The following PCDH15 variants were observed in gnomAD, a reference collection of about 807,000 sequenced individuals.
The protein encoded by PCDH15 is protocadherin related 15.
In PCDH15, 129 loss-of-function variants were observed where a neutral mutation model predicts 178.5. The ratio of observed to expected loss-of-function variants is 0.72; its 90% CI spans 0.63 to 0.84. The LOEUF is 0.84. PCDH15 is among the 40% of genes least tolerant of loss of function. PCDH15 has a pLI of 0.00. For missense variants in PCDH15, 2,230 were observed against 2,099.9 expected, an observed-to-expected ratio of 1.06 and a Z score of -1.21; for synonymous variants, 800 against 732.0, an observed-to-expected ratio of 1.09 and a Z score of -1.50.
intron 1 of PCDH15, among the ~76,000 whole-genome samples, chr10:54,682,078 C>T (rs751867473): frequency 5.3e-5 from 8 of 152,152 alleles, no homozygotes; most frequent in Non-Finnish European, 1.0e-4. Flanking sequence ...TACAGTTATA[C>T]AGTTATTGCA....
intron 35 of PCDH15, among the ~76,000 whole-genome samples, chr10:53,814,662 T>C (rs1181138222): frequency 6.6e-6 from 1 of 150,832 alleles, no homozygotes; most frequent in Non-Finnish European, 1.5e-5. Flanking sequence ...CATCAGTCGT[T>C]AAAAAAAAAT....
chr10:54,804,795 A>T (rs1053289147), upstream of PCDH15, among the ~76,000 whole-genome samples: 1 of 151,438 alleles, frequency 6.6e-6, no homozygotes, highest in Non-Finnish European at 1.5e-5. Flanking sequence ...TACCATAAAC[A>T]TTTGTGTTCA....
At chr10:54,370,867 T>A (rs1947554128) in intron 4 of PCDH15, among the ~76,000 whole-genome samples, 1 of 151,846 alleles carries the variant, frequency 6.6e-6, no homozygotes, top group African/African-American at 2.4e-5. Flanking sequence ...GATATTTTTA[T>A]GGCCAACAAA....
chr10:54,702,651 A>C (rs1360219703), intron 1 of PCDH15, among the ~76,000 whole-genome samples: 1 of 151,976 alleles, frequency 6.6e-6, no homozygotes, highest in Non-Finnish European at 1.5e-5. Context: ...TGCAAGATTG[A>C]ACTAGGAAGA....
At chr10:53,841,520 T>G (rs571254427) in intron 28 of PCDH15, among the ~76,000 whole-genome samples, 15 of 152,280 alleles carry the variant, frequency 9.9e-5, no homozygotes, top group African/African-American at 3.6e-4. Context: ...GTGCTTGGTT[T>G]GCCTTGTTAT....
chr10:53,898,136 T>G (rs2082090080), intron 26 of PCDH15, among the ~76,000 whole-genome samples: 1 of 101,742 alleles, frequency 9.8e-6, no homozygotes, highest in Admixed American at 1.2e-4. Context: ...CTGGCTAATT[T>G]TTTGTATTTT....
At chr10:54,939,638 T>C (rs998153824) in intron 2 of PCDH15, among the ~76,000 whole-genome samples, 3 of 152,094 alleles carry the variant, frequency 2.0e-5, no homozygotes, top group Non-Finnish European at 4.4e-5. Context: ...AGTCAGTAAT[T>C]TGAGTGTTCT....
rs1228673672 is a variant in PCDH15, at chr10:54,447,224, T to A, written c.158-68282A>T. Reference sequence around the variant, plus strand: ...TACAACATCTTCACCTAGTTACTATTTTTGTGTGTGTGTGGTGAGAATACT... The same window carrying A: ...TACAACATCTTCACCTAGTTACTATATTTGTGTGTGTGTGGTGAGAATACT... On this transcript the variant is annotated intron_variant, in intron 3 of 37. Coordinates refer to ENST00000644397, the MANE Select transcript of PCDH15 (RefSeq NM_001384140.1). Among the ~76,000 whole-genome samples the A allele has an allele frequency of 2.0e-5, 3 of 151,726 alleles. No homozygotes were observed. The East Asian group carries it at 5.8e-4, about 29-fold the overall frequency.
intron 2 of PCDH15, among the ~76,000 whole-genome samples, chr10:55,435,908 G>A (rs1283550359): frequency 6.6e-6 from 1 of 152,074 alleles, no homozygotes; most frequent in Non-Finnish European, 1.5e-5. Flanking sequence ...TATAAGAGTT[G>A]AGTGCATGGC....
intron 25 of PCDH15, among the ~76,000 whole-genome samples, chr10:53,921,399 T>A (rs557012009): frequency 1.3e-5 from 2 of 151,882 alleles, no homozygotes; most frequent in Non-Finnish European, 2.9e-5. Context: ...ACTTTTTTTT[T>A]ATTTGCCTAA....
At chr10:55,173,899 T>C (rs1407227668) in intron 1 of PCDH15, among the ~76,000 whole-genome samples, 1 of 152,172 alleles carries the variant, frequency 6.6e-6, no homozygotes, top group East Asian at 1.9e-4. Flanking sequence ...TTAATGTATA[T>C]GAAATTGATT....
At chr10:54,420,117 A>C (rs1955032272) in intron 3 of PCDH15, among the ~76,000 whole-genome samples, 1 of 152,142 alleles carries the variant, frequency 6.6e-6, no homozygotes, top group Non-Finnish European at 1.5e-5. Context: ...AAAGTGGTAG[A>C]TGGTAGGTAT....
intron 2 of PCDH15, among the ~76,000 whole-genome samples, chr10:54,627,891 C>G (rs917533697): frequency 6.6e-6 from 1 of 152,116 alleles, no homozygotes; most frequent in Non-Finnish European, 1.5e-5. Context: ...CTCGGAGGAG[C>G]CTGACTAAAG....
chr10:55,330,821 AATAG>A (rs1461675528), intron 2 of PCDH15, among the ~76,000 whole-genome samples: 4 of 140,604 alleles, frequency 2.8e-5, no homozygotes, highest in South Asian at 2.3e-4. Context: ...ATCTCTCTTA[AATAG>A]ATAGATTTAT....
chr10:55,557,665 T>C (rs1409249602), intron 2 of PCDH15, among the ~76,000 whole-genome samples: 1 of 152,144 alleles, frequency 6.6e-6, no homozygotes, highest in Admixed American at 6.6e-5. Flanking sequence ...GCTTAATAGA[T>C]GGGTTTGCTT....
intron 14 of PCDH15, among the ~76,000 whole-genome samples, chr10:54,145,623 A>G (rs1161089436): frequency 6.6e-6 from 1 of 152,140 alleles, no homozygotes; most frequent in Non-Finnish European, 1.5e-5. Context: ...ATGTATTTAT[A>G]TATAAATACC....
At chr10:53,965,289 A>C (rs2088887632) in intron 21 of PCDH15, among the ~76,000 whole-genome samples, 1 of 151,990 alleles carries the variant, frequency 6.6e-6, no homozygotes. Context: ...TAAACTCCTG[A>C]CCTCATGATC....
intron 8 of PCDH15, among the ~76,000 whole-genome samples, chr10:54,254,784 G>A (rs2056771765): frequency 1.3e-5 from 2 of 152,182 alleles, no homozygotes. Flanking sequence ...GATAACTCTG[G>A]ATGCTGATGC....
chr10:55,002,348 A>C (rs2131931600), intron 2 of PCDH15, among the ~76,000 whole-genome samples: 1 of 152,322 alleles, frequency 6.6e-6, no homozygotes, highest in East Asian at 1.9e-4. Flanking sequence ...CAAAAACAAT[A>C]TTTGCATTTA....
Sources: allele counts gnomAD v4.1 joint callset (sites outside exome capture counted in the v4.1 genomes callset), GRCh38; gene constraint gnomAD v4.1.1; transcripts MANE v1.5; gene names NCBI Gene and HGNC (gene_info 2026-07-23, HGNC 2026-07-21).